BBS9: variants seen among roughly 807,000 people sequenced by gnomAD.
BBS9 encodes Bardet-Biedl syndrome 9.
A neutral mutation model predicts 117.7 loss-of-function variants in BBS9; 89 were observed. That is an observed-to-expected ratio of 0.76 (90% CI 0.64 to 0.90). BBS9 has a LOEUF of 0.90. Ranked by LOEUF, BBS9 falls within the 40% of genes least tolerant of loss-of-function variation. BBS9 has a pLI of 0.00. For synonymous variants in BBS9, 379 were observed against 370.9 expected, an observed-to-expected ratio of 1.02 and a Z score of -0.25; for missense variants, 982 against 1,042.2, an observed-to-expected ratio of 0.94 and a Z score of 0.80.
At chr7:33,163,653 A>G (rs1408959383) in intron 4 of BBS9, among the ~76,000 whole-genome samples, 2 of 151,960 alleles carry the variant, frequency 1.3e-5, no homozygotes, top group African/African-American at 4.8e-5. Context: ...GGTAGTTTGT[A>G]TTTCTGTGAG....
intron 9 of BBS9, among the ~76,000 whole-genome samples, chr7:33,293,716 G>A (rs1248577796): frequency 1.3e-5 from 2 of 152,018 alleles, no homozygotes; most frequent in Non-Finnish European, 2.9e-5. Flanking sequence ...TATCTCTATA[G>A]ACTATTTATT....
chr7:33,367,095 A>AT (rs1186139814), intron 16 of BBS9, among the ~76,000 whole-genome samples: 1 of 152,020 alleles, frequency 6.6e-6, no homozygotes, highest in Non-Finnish European at 1.5e-5. Context: ...CACTTTCTTC[A>AT]TTTTTTAGCT....
chr7:33,365,181 T>G (rs183913740), intron 16 of BBS9, among the ~76,000 whole-genome samples: 1 of 152,242 alleles, frequency 6.6e-6, no homozygotes, highest in African/African-American at 2.4e-5. Context: ...TTCTTTGGGG[T>G]CAGCTACTGG....
In BBS9 at chr7:33,264,382, C is replaced by CT. The variant is rs756949696; in HGVS notation, c.702+15dup. ...TCTGGAAAAAGACTAGTTGTAAGGC[C>CT]TTTTTTTAATATATAAAAATTTCAA... is the stretch of plus-strand genomic sequence containing the variant. On this transcript the variant is annotated intron_variant, in intron 7 of 22. Coordinates refer to ENST00000242067, the MANE Select transcript of BBS9 (RefSeq NM_198428.3). 1.8e-5 allele frequency: 28 copies of CT among 1,542,764 alleles called. No homozygotes were observed. The African/African-American group carries it at 3.0e-4, about 17-fold the overall frequency.
intron 19 of BBS9, among the ~76,000 whole-genome samples, chr7:33,391,062 T>G (rs1228632294): frequency 6.6e-6 from 1 of 152,246 alleles, no homozygotes; most frequent in Non-Finnish European, 1.5e-5. Context: ...GTTTTAATGT[T>G]GAGTCTAACA....
chr7:33,419,545 G>A (rs17170225), intron 19 of BBS9, among the ~76,000 whole-genome samples: 25,145 of 151,958 alleles, frequency 0.17, 2,376 homozygotes, highest in South Asian at 0.21. Context: ...ATAAAATGTC[G>A]TGGAACCAGA....
At chr7:33,329,719 T>C (rs914442317) in intron 9 of BBS9, among the ~76,000 whole-genome samples, 10 of 152,174 alleles carry the variant, frequency 6.6e-5, no homozygotes, top group Admixed American at 5.2e-4. Context: ...TATAACAAAT[T>C]TACATTGGTA....
At chr7:33,236,605 CATT>C (rs1440296290) in intron 5 of BBS9, among the ~76,000 whole-genome samples, 5 of 151,804 alleles carry the variant, frequency 3.3e-5, no homozygotes, top group African/African-American at 1.2e-4. Context: ...TTATACAACA[CATT>C]ATAATATGTG....
chr7:33,468,047 ATTAT>A (rs1457824852), intron 19 of BBS9, among the ~76,000 whole-genome samples: 4 of 152,254 alleles, frequency 2.6e-5, no homozygotes, highest in African/African-American at 9.6e-5. Context: ...AGTTGAAGTG[ATTAT>A]TTATTTTTTA....
At chr7:33,535,813 G>GA (rs1199235228) in intron 21 of BBS9, among the ~76,000 whole-genome samples, 1 of 151,864 alleles carries the variant, frequency 6.6e-6, no homozygotes, top group Non-Finnish European at 1.5e-5. Context: ...GAGAGAGAGA[G>GA]AAAAAAAATT....
At chr7:33,346,736 C>A (rs1344930527) in intron 12 of BBS9, among the ~76,000 whole-genome samples, 3 of 152,120 alleles carry the variant, frequency 2.0e-5, no homozygotes, top group Non-Finnish European at 2.9e-5. Context: ...AAATGCAAAC[C>A]CTTCTTGTTA....
chr7:33,527,363 A>G (rs1431407740), intron 20 of BBS9, among the ~76,000 whole-genome samples: 1 of 152,056 alleles, frequency 6.6e-6, no homozygotes, highest in African/African-American at 2.4e-5. Context: ...GCCGCCTTGC[A>G]GTGTGATCTC....
chr7:33,520,827 G>C (rs4720121), intron 20 of BBS9, among the ~76,000 whole-genome samples: 47,203 of 151,998 alleles, frequency 0.31, 7,944 homozygotes, highest in East Asian at 0.49. Flanking sequence ...TCTTGACCTG[G>C]TAATTTATCA....
At chr7:33,384,267 T>G (rs1825621032) in intron 18 of BBS9, among the ~76,000 whole-genome samples, 1 of 152,226 alleles carries the variant, frequency 6.6e-6, no homozygotes, top group African/African-American at 2.4e-5. Flanking sequence ...TGAATGAGGG[T>G]TAACACTTAA....
rs879731779 is a variant in BBS9, at chr7:33,191,948, T to TAA, written c.442+14369_442+14370dup. 2.1e-5 allele frequency among the ~76,000 whole-genome samples: 3 copies of TAA among 141,132 alleles called. No individual in the cohort carries two copies. The South Asian group carries it at 6.7e-4, about 31-fold the overall frequency. 92.6% of individuals were successfully genotyped at this position (141,132 alleles called of 152,430 possible). A position where few individuals can be genotyped will look rare whatever the true frequency, so the allele number is the denominator to read the frequency against. On this transcript the variant is annotated intron_variant, in intron 5 of 22. Transcript: ENST00000242067. Reference sequence around the variant, plus strand: ...GGCATATTTAAAACATATGTACCGGTAAAAAAAAAAAAAGTAAATGATTAA... The same window carrying TAA: ...GGCATATTTAAAACATATGTACCGGTAAAAAAAAAAAAAAAGTAAATGATTAA...
chr7:33,338,612 T>C (rs775128299), intron 10 of BBS9, among the ~76,000 whole-genome samples: 6 of 152,172 alleles, frequency 3.9e-5, no homozygotes, highest in Non-Finnish European at 8.8e-5. Context: ...TTATCTACCG[T>C]AATAAAAGTG....
rs146674993 is a variant in BBS9, at chr7:33,452,756, C to G, written c.2116-52707C>G. On this transcript the variant is annotated intron_variant, in intron 19 of 22. Coordinates refer to ENST00000242067, the MANE Select transcript of BBS9 (RefSeq NM_198428.3). ...TTATTATGGGAACACACTGTAGCAA[C>G]AGTGGGAAGTAACCACTGATAGTGT... 7.1e-3 allele frequency among the ~76,000 whole-genome samples: 1,074 copies of G among 152,244 alleles called. 14 individuals carry two copies. The highest frequency in any genetic ancestry group is 0.025 in the African/African-American group (1,018 of 41,530).
chr7:33,388,637 A>G (rs1371800429), intron 19 of BBS9, among the ~76,000 whole-genome samples: 2 of 152,106 alleles, frequency 1.3e-5, no homozygotes, highest in Non-Finnish European at 2.9e-5. Flanking sequence ...TTCAAAATAT[A>G]TTTTTTCTTC....
intron 21 of BBS9, among the ~76,000 whole-genome samples, chr7:33,554,407 T>A (rs534216686): frequency 6.6e-6 from 1 of 152,208 alleles, no homozygotes; most frequent in East Asian, 1.9e-4. Flanking sequence ...GTTATGGCAA[T>A]GGAGATAGAA....
Sources: gnomAD v4.1 joint callset for allele counts (sites outside exome capture counted in the v4.1 genomes callset) on GRCh38, gnomAD v4.1.1 for gene constraint, MANE v1.5 for transcripts, NCBI Gene and HGNC (gene_info 2026-07-23, HGNC 2026-07-21) for gene names.